CRIPTO3: variants seen among roughly 807,000 people sequenced by gnomAD.
CRIPTO3 encodes cripto, EGF-CFC family member 3.
chrX:110,522,257 CTGG>C, the CRIPTO3 span: 1 of 141,237 alleles, frequency 7.1e-6, no homozygotes, highest in Admixed American at 7.7e-5. Flanking sequence ...TGTGCAAGGC[CTGG>C]TGTTTCTTGG....
At chrX:110,520,941 G>A in the CRIPTO3 span, 1 of 468,565 alleles carries the variant, frequency 2.1e-6, no homozygotes, top group African/African-American at 2.4e-5. Context: ...AAGGCCGAAA[G>A]CCCTCCAGTT....
the CRIPTO3 span, chrX:110,521,618 T>G: frequency 1.7e-6 from 2 of 1,212,078 alleles, no homozygotes; most frequent in Non-Finnish European, 2.2e-6. Context: ...CTTCCAGGAC[T>G]CCAGAACTAC....
chrX:110,521,094 T>C, the CRIPTO3 span: 1 of 1,121,345 alleles, frequency 8.9e-7, no homozygotes, highest in Non-Finnish European at 1.2e-6. Context: ...ATTAAAGCGA[T>C]GCTAACGCCT....
chrX:110,521,188 C>G, the CRIPTO3 span: 1 of 1,124,590 alleles, frequency 8.9e-7, no homozygotes, highest in East Asian at 3.0e-5. Flanking sequence ...ATGGCCATTT[C>G]TAAAGCCTTT....
the CRIPTO3 span, chrX:110,521,567 ACC>A: frequency 1.3e-5 from 16 of 1,210,386 alleles, no homozygotes; most frequent in Non-Finnish European, 1.7e-5. Context: ...AGGCATTTCT[ACC>A]CGGCTGTGAT....
the CRIPTO3 span, chrX:110,522,484 T>A: frequency 5.4e-5 from 6 of 111,080 alleles, no homozygotes; most frequent in Non-Finnish European, 1.1e-4. Context: ...CATCTGCGTG[T>A]GTGCAGGGAG....
the CRIPTO3 span, chrX:110,521,737 A>G: frequency 9.2e-7 from 1 of 1,087,130 alleles, no homozygotes; most frequent in Non-Finnish European, 1.3e-6. Context: ...TTTAGATATT[A>G]TGCAAATTTC....
chrX:110,521,688 T>C, the CRIPTO3 span: 3 of 1,191,004 alleles, frequency 2.5e-6, no homozygotes, highest in Non-Finnish European at 3.4e-6. Flanking sequence ...TATACAAAGC[T>C]ACTATTAATC....
the CRIPTO3 span, chrX:110,522,998 A>G: frequency 3.6e-5 from 4 of 110,424 alleles, no homozygotes; most frequent in Non-Finnish European, 7.6e-5. Context: ...GGGATAAAAC[A>G]TCTTTTATCA....
At chrX:110,521,978 C>T in the CRIPTO3 span, 4 of 429,497 alleles carry the variant, frequency 9.3e-6, no homozygotes, top group South Asian at 7.2e-5. Context: ...TTTTTTGAGA[C>T]GGAGTCTCAC....
chrX:110,521,903 T>G, the CRIPTO3 span: 1 of 445,549 alleles, frequency 2.2e-6, no homozygotes, highest in Non-Finnish European at 3.9e-6. Context: ...CCCAAAAAAC[T>G]ACTTCTTTTT....
the CRIPTO3 span, chrX:110,520,972 T>A: frequency 1.1e-5 from 6 of 540,094 alleles, no homozygotes; most frequent in Admixed American, 2.6e-5. Flanking sequence ...ACCTTGCTCC[T>A]GCTTCTGCTA....
the CRIPTO3 span, chrX:110,521,319 T>G: frequency 8.3e-7 from 1 of 1,208,851 alleles, no homozygotes; most frequent in African/African-American, 1.7e-5. Context: ...GCCTCGGTCT[T>G]CCCAGCGTGT....
At chrX:110,522,175 G>A in the CRIPTO3 span, 4 of 227,777 alleles carry the variant, frequency 1.8e-5, no homozygotes, top group East Asian at 3.2e-4. Flanking sequence ...GGCCAGCCTG[G>A]TCTCGAACTC....
chrX:110,522,973 C>T, the CRIPTO3 span: 3 of 107,937 alleles, frequency 2.8e-5, no homozygotes, highest in African/African-American at 1.0e-4. Context: ...CTCTGCTCTT[C>T]AGAGTTCCAA....
At chrX:110,521,335 C>G in the CRIPTO3 span, 1 of 1,208,249 alleles carries the variant, frequency 8.3e-7, no homozygotes, top group South Asian at 1.8e-5. Context: ...CGTGTGCTGC[C>G]CATGGGAATA....
the CRIPTO3 span, chrX:110,522,865 G>T: frequency 9.9e-6 from 1 of 100,736 alleles, no homozygotes; most frequent in Non-Finnish European, 2.0e-5. Context: ...AAAATACATT[G>T]TATATACGTG....
the CRIPTO3 span, chrX:110,521,332 T>G: frequency 8.3e-7 from 1 of 1,209,457 alleles, no homozygotes; most frequent in South Asian, 1.8e-5. Flanking sequence ...CAGCGTGTGC[T>G]GCCCATGGGA....
At chrX:110,521,278 G>A in the CRIPTO3 span, 2 of 1,192,226 alleles carry the variant, frequency 1.7e-6, no homozygotes, top group Admixed American at 4.3e-5. Flanking sequence ...AGAGATGACA[G>A]CATTTGGCCC....
Sources: gnomAD v4.1 joint callset for allele counts on GRCh38, gnomAD v4.1.1 for gene constraint, MANE v1.5 for transcripts, NCBI Gene and HGNC (gene_info 2026-07-23, HGNC 2026-07-21) for gene names.